STK10: variants seen among roughly 807,000 people sequenced by gnomAD.
STK10 encodes the protein serine/threonine kinase 10, also known as serine/threonine-protein kinase 10.
In STK10, 78 loss-of-function variants were observed where a neutral mutation model predicts 113.8. The observed-to-expected ratio is 0.69, with a 90% CI of 0.57 to 0.83. The LOEUF (loss-of-function observed/expected upper bound fraction) is 0.83. STK10 is among the 40% of genes least tolerant of loss of function. The pLI, the probability that STK10 is intolerant of heterozygous loss-of-function variation, is 0.00. For missense variants in STK10, 1,109 were observed against 1,280.1 expected (o/e 0.87, Z 2.04); for synonymous variants, 465 against 494.7 (o/e 0.94, Z 0.80).
At chr5:172,138,413 C>T (rs541023565) in intron 2 of STK10, among the ~76,000 whole-genome samples, 15 of 152,230 alleles carry the variant, frequency 9.9e-5, no homozygotes, top group Admixed American at 3.9e-4. Flanking sequence ...TGAGCCACTG[C>T]GCCCAGCCAA....
In STK10 at chr5:172,136,876, G is replaced by A. The variant is rs538207788; in HGVS notation, c.322-9455C>T. Among the ~76,000 whole-genome samples, 9 of 151,164 alleles carry A rather than the reference G, an allele frequency of 6.0e-5. No homozygotes were observed. The South Asian group carries it at 1.7e-3, about 28-fold the overall frequency. ...GTTCTGGGATACACGTGCAGAACAT[G>A]TAGGTTAGTTACATAGGTATACACA... On this transcript the variant is annotated intron_variant, in intron 2 of 18. Coordinates refer to ENST00000176763, the MANE Select transcript of STK10 (RefSeq NM_005990.4).
chr5:172,112,717 C>T lies in STK10; in HGVS notation c.520+4764G>A, dbSNP rs573334302. ...TACAGGTGTGAGCCACTGCACCCGGCCAGGACCCTACATTTTTCACTTTAC... is the reference window on the plus strand; with the variant it reads ...TACAGGTGTGAGCCACTGCACCCGGTCAGGACCCTACATTTTTCACTTTAC... On this transcript the variant is annotated intron_variant, in intron 4 of 18. Coordinates refer to ENST00000176763, the MANE Select transcript of STK10 (RefSeq NM_005990.4). 2.0e-5 allele frequency among the ~76,000 whole-genome samples: 3 copies of T among 151,776 alleles called. No individual in the cohort carries two copies. In the South Asian group the frequency reaches 6.2e-4, roughly 32 times the overall value.
chr5:172,178,352 G>T (rs908386468), intron 1 of STK10, among the ~76,000 whole-genome samples: 2 of 152,138 alleles, frequency 1.3e-5, no homozygotes, highest in Non-Finnish European at 2.9e-5. Context: ...TCCTGGCCTG[G>T]ACTTCCTTCC....
At chr5:172,114,952 CCT>C (rs1561813507) in intron 4 of STK10, 1 of 152,734 alleles carries the variant, frequency 6.5e-6, no homozygotes, top group Non-Finnish European at 1.5e-5. Context: ...CCAACCCAGC[CCT>C]TTCTTGTTGC....
At chr5:172,135,074 A>T (rs1769823657) in intron 2 of STK10, among the ~76,000 whole-genome samples, 1 of 152,218 alleles carries the variant, frequency 6.6e-6, no homozygotes, top group South Asian at 2.1e-4. Context: ...TAGGCAAAAG[A>T]TTTGAATAGA....
At position 172,044,944 on chromosome 5, in the gene STK10, T is replaced by C. The variant is rs1767466161; in HGVS notation, c.2845A>G (p.Asn949Asp). 3 of 1,613,976 alleles carry C rather than the reference T, an allele frequency of 1.9e-6. No homozygotes were observed. Among genetic ancestry groups the C allele is most frequent in the African/African-American group, 1.3e-5 (1 of 74,888 alleles). ...GCGGCCTTGCTTGGGGTGGAGGGGT[T>C]TGGGCACTCCGCCTCCTCGCTCAGC... ...FKLSEEAECP[N>D]PSTPSKAAKF... Residue 949 changes from asparagine (N) to aspartate (D), a missense_variant, in exon 19 of 19, where the codon AAC (asparagine) becomes GAC (aspartate). Physicochemically the swap from Asn to Asp is conservative, Grantham distance 23. Around this residue, in one of 5 missense-constraint regions of STK10, gnomAD observed 885 missense variants for 991.1 expected, o/e 0.89. Coordinates refer to ENST00000176763, the MANE Select transcript of STK10 (RefSeq NM_005990.4). This position sits in a 1 kb window ranked among gnomAD's most constrained non-coding sequence, Gnocchi z 4.5.
intron 1 of STK10, among the ~76,000 whole-genome samples, chr5:172,179,808 A>C (rs1311088995): frequency 6.6e-6 from 1 of 152,216 alleles, no homozygotes; most frequent in African/African-American, 2.4e-5. Context: ...CCATCCCCAG[A>C]GGAAGTGGAA....
At chr5:172,171,644 G>A (rs1770666542) in intron 1 of STK10, among the ~76,000 whole-genome samples, 1 of 150,530 alleles carries the variant, frequency 6.6e-6, no homozygotes, top group East Asian at 1.9e-4. Context: ...GGACCCGTGA[G>A]GCAGAGGTTG....
intron 1 of STK10, among the ~76,000 whole-genome samples, chr5:172,186,039 C>T (rs562718465): frequency 3.7e-4 from 56 of 150,612 alleles, no homozygotes; most frequent in South Asian, 1.3e-3. Context: ...TTTGGGAGGC[C>T]GAGGTGGGTG....
chr5:172,120,028 T>C lies in STK10; in HGVS notation c.371-2398A>G, dbSNP rs1769476390. ...CTGCTCAATGGACAGATTAGGGAGG[T>C]GGAGCTGGCGGAATGTGGAGGCGGT... is the stretch of plus-strand genomic sequence containing the variant. On this transcript the variant is annotated intron_variant, in intron 3 of 18. Coordinates refer to ENST00000176763, the MANE Select transcript of STK10 (RefSeq NM_005990.4). The surrounding 1 kb of genome is among the most constrained non-coding windows in gnomAD (Gnocchi z 4.0). 6.6e-6 allele frequency among the ~76,000 whole-genome samples: 1 copy of C among 151,202 alleles called. No individual in the cohort carries two copies. Among genetic ancestry groups the C allele is most frequent in the South Asian group, 2.1e-4 (1 of 4,768 alleles).
chr5:172,135,648 C>T (rs998567613), intron 2 of STK10, among the ~76,000 whole-genome samples: 3 of 152,152 alleles, frequency 2.0e-5, no homozygotes, highest in Non-Finnish European at 4.4e-5. Context: ...ATATGTTAAA[C>T]GTAGCATTAC....
intron 1 of STK10, among the ~76,000 whole-genome samples, chr5:172,177,948 C>A (rs1436088485): frequency 1.3e-5 from 2 of 152,198 alleles, no homozygotes; most frequent in Non-Finnish European, 2.9e-5. Flanking sequence ...CCTGCCTCAG[C>A]CTCCCAAGTA....
intron 4 of STK10, among the ~76,000 whole-genome samples, chr5:172,115,922 T>C (rs1269639642): frequency 6.6e-6 from 1 of 152,174 alleles, no homozygotes; most frequent in Non-Finnish European, 1.5e-5. Context: ...GTTGGCTTCC[T>C]GACTGGTCCA....
At chr5:172,050,296 T>C in intron 18 of STK10, among the ~76,000 whole-genome samples, 1 of 152,222 alleles carries the variant, frequency 6.6e-6, no homozygotes, top group South Asian at 2.1e-4. Flanking sequence ...GCATGATGGC[T>C]GTCTAGAGAT....
intron 2 of STK10, among the ~76,000 whole-genome samples, chr5:172,146,759 T>C (rs1770095757): frequency 1.3e-5 from 2 of 152,262 alleles, no homozygotes. Context: ...AGCTTGCTGT[T>C]GAGGAATAAC....
At chr5:172,115,552 C>T (rs1371323052) in intron 4 of STK10, among the ~76,000 whole-genome samples, 1 of 152,172 alleles carries the variant, frequency 6.6e-6, no homozygotes, top group East Asian at 1.9e-4. Context: ...CAATTTGGCT[C>T]CATGATGTAC....
At chr5:172,091,531 C>CTTTTT (rs778673700) in intron 9 of STK10, among the ~76,000 whole-genome samples, 10 of 131,876 alleles carry the variant, frequency 7.6e-5, no homozygotes, top group African/African-American at 1.8e-4. Flanking sequence ...TTCAAAGCCT[C>CTTTTT]TTTTTTTTTT....
intron 10 of STK10, among the ~76,000 whole-genome samples, chr5:172,088,271 AT>A (rs1768615883): frequency 6.6e-6 from 1 of 151,962 alleles, no homozygotes; most frequent in Non-Finnish European, 1.5e-5. Flanking sequence ...CACATCTGTA[AT>A]TCCAGCACTT....
At chr5:172,127,576 C>G (rs1769652263) in intron 2 of STK10, among the ~76,000 whole-genome samples, 155 bp from the exon 3 acceptor site, 1 of 152,190 alleles carries the variant, frequency 6.6e-6, no homozygotes. Flanking sequence ...AGCCCGTCCC[C>G]CTCCCCCAGT....
Sources: allele counts gnomAD v4.1 joint callset (sites outside exome capture counted in the v4.1 genomes callset), GRCh38; gene constraint gnomAD v4.1.1; regional missense constraint gnomAD v4.1.1; non-coding constraint Gnocchi (gnomAD v3.1); transcripts MANE v1.5; gene names NCBI Gene and HGNC (gene_info 2026-07-23, HGNC 2026-07-21).